Variants in ADGRF5 observed in about 807,000 individuals in gnomAD.
ADGRF5 encodes the protein G-protein coupled receptor 116.
A neutral mutation model predicts 132.3 loss-of-function variants in ADGRF5; 75 were observed. The observed-to-expected ratio is 0.57, with a 90% CI of 0.47 to 0.69. The LOEUF (loss-of-function observed/expected upper bound fraction) is 0.69, where lower values mean the gene tolerates loss of function less well. Among genes scored for constraint, ADGRF5 ranks in the 30% least tolerant of loss-of-function variants. ADGRF5 has a pLI of 0.00. For missense variants in ADGRF5, 1,516 were observed against 1,630.6 expected, an observed-to-expected ratio of 0.93 and a Z score of 1.21; for synonymous variants, 629 against 597.6, an observed-to-expected ratio of 1.05 and a Z score of -0.77.
At chr6:46,864,086 T>A (rs1210621153) in intron 14 of ADGRF5, among the ~76,000 whole-genome samples, 2 of 152,160 alleles carry the variant, frequency 1.3e-5, no homozygotes. Context: ...CTGGGAAGAT[T>A]TAAGAGGATG....
chr6:46,926,810 T>C (rs1018614823), upstream of ADGRF5, among the ~76,000 whole-genome samples: 1 of 152,176 alleles, frequency 6.6e-6, no homozygotes. Context: ...TTTGAGGACA[T>C]GGCATTCCTT....
chr6:46,909,083 C>T (rs927017930), intron 1 of ADGRF5: 4 of 152,008 alleles, frequency 2.6e-5, no homozygotes, highest in Non-Finnish European at 5.9e-5. Flanking sequence ...GGTATCCATA[C>T]CTGTGAGGAA....
At chr6:46,944,350 C>T (rs553825085) in intron 1 of ADGRF5, among the ~76,000 whole-genome samples, 3 of 152,240 alleles carry the variant, frequency 2.0e-5, no homozygotes, top group Non-Finnish European at 4.4e-5. Context: ...CTGGCTCTCC[C>T]ATGGCTCATG....
Position 46,859,274 on chromosome 6 carries a change from G to A in ADGRF5, c.2629C>T (p.Leu877Phe), listed in dbSNP as rs1469781228. 3 of 1,614,060 alleles carry A rather than the reference G, an allele frequency of 1.9e-6. No individual in the cohort carries two copies. Among genetic ancestry groups the A allele is most frequent in the Non-Finnish European group, 2.5e-6 (3 of 1,179,956 alleles). Residue 877 changes from leucine (L) to phenylalanine (F), a missense_variant, in exon 17 of 21, where the codon CTC becomes TTC. This residue lies in a region of ADGRF5 where 571 missense variants were observed against 701.2 expected (regional missense o/e 0.81). Coordinates refer to ENST00000283296, the MANE Select transcript of ADGRF5 (RefSeq NM_001098518.2). Reference sequence around the variant, plus strand: ...TTGTCAATGACCACATTGCCCCAGAGGTCAAAGTATGGGAAAACAAACCTC... The same window carrying A: ...TTGTCAATGACCACATTGCCCCAGAAGTCAAAGTATGGGAAAACAAACCTC... ...QQRFVFPYFD[L>F]WGNVVIDKSY...
intron 6 of ADGRF5, among the ~76,000 whole-genome samples, chr6:46,882,894 C>A (rs886396362): frequency 6.6e-6 from 1 of 152,178 alleles, no homozygotes; most frequent in African/African-American, 2.4e-5. Context: ...GCTCAGCTGA[C>A]AGCCTAAGAC....
chr6:46,927,797 C>T (rs1439390816), intron 1 of ADGRF5, among the ~76,000 whole-genome samples: 1 of 152,148 alleles, frequency 6.6e-6, no homozygotes, highest in East Asian at 1.9e-4. Context: ...CTCAGAACAG[C>T]ATCATAATAG....
At chr6:46,933,813 A>T (rs1777683882) in intron 1 of ADGRF5, among the ~76,000 whole-genome samples, 3 of 152,314 alleles carry the variant, frequency 2.0e-5, no homozygotes, top group Admixed American at 2.0e-4. Context: ...TATTTATCAG[A>T]GTCTTCCTCT....
intron 13 of ADGRF5, among the ~76,000 whole-genome samples, chr6:46,866,581 A>T (rs1770467518): frequency 6.6e-6 from 1 of 151,282 alleles, no homozygotes; most frequent in Non-Finnish European, 1.5e-5. Context: ...ATTTAAAGGG[A>T]TTTTCATGGC....
chr6:46,899,633 G>A (rs1774533102), intron 3 of ADGRF5, among the ~76,000 whole-genome samples: 4 of 151,870 alleles, frequency 2.6e-5, no homozygotes. Context: ...TTGCTTCACA[G>A]GATAAAGTCC....
In ADGRF5 at chr6:46,858,570, C is replaced by G; in HGVS notation, c.3333G>C (p.Leu1111=). The change falls in exon 17 of 21, where the codon CTG becomes CTC. Residue 1111 remains leucine, a synonymous_variant. Coordinates refer to ENST00000283296, the MANE Select transcript of ADGRF5 (RefSeq NM_001098518.2). ...FFWMLTLGLM[L]FYRLVFILHE... Reference sequence around the variant, plus strand: ...GCAGAATGAAAACCAGGCGATAGAACAGCATGAGGCCCAGTGTCAGCATCC... The same window carrying G: ...GCAGAATGAAAACCAGGCGATAGAAGAGCATGAGGCCCAGTGTCAGCATCC... The G allele has an allele frequency of 5.0e-6, 8 of 1,613,922 alleles. No homozygotes were observed. Among genetic ancestry groups the G allele is most frequent in the Non-Finnish European group, 5.9e-6 (7 of 1,179,938 alleles).
At chr6:46,866,559 G>A (rs945397664) in intron 13 of ADGRF5, among the ~76,000 whole-genome samples, 2 of 151,616 alleles carry the variant, frequency 1.3e-5, no homozygotes, top group Non-Finnish European at 2.9e-5. Context: ...TTTCTTACAT[G>A]CTCAATTATG....
intron 17 of ADGRF5, 65 bp from the exon 18 acceptor site, chr6:46,856,973 A>G: frequency 7.9e-7 from 1 of 1,272,914 alleles, no homozygotes; most frequent in Non-Finnish European, 1.1e-6. Flanking sequence ...CAAAGGAGGA[A>G]GTACTGTTAA....
rs1388301710 is a variant in ADGRF5 at position 46,852,736 on chromosome 6, C to A, written c.*1256G>T. 1 of 151,050 alleles carries A rather than the reference C, an allele frequency of 6.6e-6. No homozygotes were observed. Among genetic ancestry groups the A allele is most frequent in the Non-Finnish European group, 1.5e-5 (1 of 68,038 alleles). The allele number at this position is 151,050 out of a possible 1,614,324, so 9.4% of individuals were successfully genotyped here. A position where few individuals can be genotyped will look rare whatever the true frequency, so the allele number is the denominator to read the frequency against. ...GTCAAGTGTCATTAGGAGCACAGAA[C>A]AACCGAATGTAAAATTTCTTTCCAG... On this transcript the variant is annotated 3_prime_UTR_variant, in exon 21 of 21. Transcript: ENST00000283296.
chr6:46,944,619 G>A (rs1778228969), intron 1 of ADGRF5, among the ~76,000 whole-genome samples: 1 of 152,104 alleles, frequency 6.6e-6, no homozygotes, highest in Non-Finnish European at 1.5e-5. Context: ...TGCACAAACT[G>A]TGCTTTGCAT....
At chr6:46,934,169 G>A (rs1165144498) in intron 1 of ADGRF5, among the ~76,000 whole-genome samples, 2 of 151,960 alleles carry the variant, frequency 1.3e-5, no homozygotes, top group African/African-American at 4.8e-5. Context: ...TGAGTCACCC[G>A]AATCCACTAA....
chr6:46,937,798 T>C (rs1777904922), intron 1 of ADGRF5, among the ~76,000 whole-genome samples: 1 of 152,152 alleles, frequency 6.6e-6, no homozygotes, highest in South Asian at 2.1e-4. Flanking sequence ...GTCGATTTGA[T>C]AACTGAGAAA....
At chr6:46,945,685 G>A (rs752653315) in intron 1 of ADGRF5, among the ~76,000 whole-genome samples, 1 of 152,188 alleles carries the variant, frequency 6.6e-6, no homozygotes, top group East Asian at 1.9e-4. Flanking sequence ...ATTTAAAATG[G>A]GCTTAGGAGG....
chr6:46,952,880 T>C (rs1357929374), intron 1 of ADGRF5, among the ~76,000 whole-genome samples: 1 of 151,948 alleles, frequency 6.6e-6, no homozygotes, highest in Non-Finnish European at 1.5e-5. Context: ...ACCAGAAAAA[T>C]AGCAGACCTG....
At position 46,862,703 on chromosome 6, in the gene ADGRF5, C is replaced by CTTTTTTTTTTTTTTTTTTT. The variant is rs67565937; in HGVS notation, c.2199+166_2199+184dup. On this transcript the variant is annotated intron_variant, in intron 15 of 20. Transcript: ENST00000283296. ...AGTTGTCTTAGTATTTGAATTGAGG[C>CTTTTTTTTTTTTTTTTTTT]TTTTTTTTTTTTTTTTTTTTTTTTT... 6.8e-3 allele frequency among the ~76,000 whole-genome samples: 179 copies of CTTTTTTTTTTTTTTTTTTT among 26,510 alleles called. 40 individuals carry two copies. Among genetic ancestry groups the CTTTTTTTTTTTTTTTTTTT allele is most frequent in the East Asian group, 0.015 (8 of 522 alleles). 17.4% of individuals were successfully genotyped at this position (26,510 alleles called of 152,430 possible).
Sources: allele counts gnomAD v4.1 joint callset (sites outside exome capture counted in the v4.1 genomes callset), GRCh38; gene constraint gnomAD v4.1.1; regional missense constraint gnomAD v4.1.1; transcripts MANE v1.5; gene names NCBI Gene and HGNC (gene_info 2026-07-23, HGNC 2026-07-21).